Variants in DCDC2 observed in about 807,000 individuals in gnomAD.
DCDC2 encodes doublecortin domain-containing protein 2.
Under a neutral mutation model 50.2 loss-of-function variants are expected in DCDC2, and 40 were observed. That is an observed-to-expected ratio of 0.80 (90% CI 0.62 to 1.04). DCDC2 has a LOEUF of 1.04. Among genes scored for constraint, DCDC2 ranks in the 50% least tolerant of loss-of-function variants. DCDC2 has a pLI of 0.00. For missense variants in DCDC2, 570 were observed against 581.9 expected (o/e 0.98, Z 0.21); for synonymous variants, 234 against 210.6 (o/e 1.11, Z -0.96).
At chr6:24,190,458 A>G (rs1286518821) in intron 8 of DCDC2, among the ~76,000 whole-genome samples, 7 of 152,186 alleles carry the variant, frequency 4.6e-5, no homozygotes, top group African/African-American at 1.4e-4. Context: ...CAGCACACCA[A>G]CATGGCACAT....
At chr6:24,200,040 T>G (rs1261350597) in intron 8 of DCDC2, among the ~76,000 whole-genome samples, 1 of 151,540 alleles carries the variant, frequency 6.6e-6, no homozygotes, top group Admixed American at 6.6e-5. Context: ...CTGATTGGAG[T>G]CCCTAAAAGT....
chr6:24,260,355 C>T (rs1242911560), intron 7 of DCDC2, among the ~76,000 whole-genome samples: 1 of 152,176 alleles, frequency 6.6e-6, no homozygotes, highest in Non-Finnish European at 1.5e-5. Flanking sequence ...CAGACTAATT[C>T]GTATCTCCTT....
At chr6:24,310,006 G>T (rs1273045920) in intron 2 of DCDC2, among the ~76,000 whole-genome samples, 3 of 151,780 alleles carry the variant, frequency 2.0e-5, no homozygotes, top group African/African-American at 7.3e-5. Flanking sequence ...ACAAGATATG[G>T]GTAGGTTAAA....
At chr6:24,352,067 G>A (rs755630100) in intron 2 of DCDC2, among the ~76,000 whole-genome samples, 3 of 152,140 alleles carry the variant, frequency 2.0e-5, no homozygotes, top group African/African-American at 4.8e-5. Context: ...TCGAGCCACC[G>A]CACTCCAGCC....
intron 5 of DCDC2, among the ~76,000 whole-genome samples, chr6:24,289,696 G>A (rs149982136): frequency 1.3e-5 from 2 of 152,286 alleles, no homozygotes; most frequent in East Asian, 3.9e-4. Flanking sequence ...AGAAAACCAT[G>A]TGCTCTTGCA....
intron 8 of DCDC2, among the ~76,000 whole-genome samples, chr6:24,192,649 A>G (rs1359657742): frequency 6.6e-6 from 1 of 152,172 alleles, no homozygotes. Flanking sequence ...AAGAGCTCTT[A>G]GATGTTAAAA....
chr6:24,301,146 C>T (rs369044869), intron 4 of DCDC2, among the ~76,000 whole-genome samples: 2 of 151,442 alleles, frequency 1.3e-5, no homozygotes, highest in Non-Finnish European at 2.9e-5. Context: ...CCAAGGCGGG[C>T]GGATCACGAG....
chr6:24,270,698 C>T (rs1309790043), intron 7 of DCDC2, among the ~76,000 whole-genome samples: 1 of 152,188 alleles, frequency 6.6e-6, no homozygotes, highest in East Asian at 1.9e-4. Context: ...TCTTCCTCCT[C>T]CCTCCACCCT....
the DCDC2 span, among the ~76,000 whole-genome samples, chr6:24,375,698 C>A: frequency 1.3e-5 from 2 of 152,162 alleles, no homozygotes; most frequent in Non-Finnish European, 2.9e-5. Flanking sequence ...TAGCACTCAT[C>A]ACTCTACAAT....
intron 1 of DCDC2, among the ~76,000 whole-genome samples, chr6:24,353,999 CA>C (rs533107039): frequency 1.6e-4 from 24 of 152,138 alleles, no homozygotes; most frequent in African/African-American, 5.5e-4. Flanking sequence ...GGCTTTAGGT[CA>C]AAGGAAGTAC....
rs115014879 is a variant in DCDC2 at position 24,211,049 on chromosome 6, C to T, written c.923-5947G>A. 6.2e-3 allele frequency among the ~76,000 whole-genome samples: 941 copies of T among 152,314 alleles called. 4 individuals are homozygous for T. Among genetic ancestry groups the T allele is most frequent in the Non-Finnish European group, 8.1e-3 (549 of 68,022 alleles). ...CAATTCCAGTAGCCACTCATTCATT[C>T]ATAGTGCCCTGGTTTAATTCTCTGC... On this transcript the variant is annotated intron_variant, in intron 7 of 9. Transcript: ENST00000378454.
intron 7 of DCDC2, among the ~76,000 whole-genome samples, chr6:24,258,194 A>G (rs1013723840): frequency 2.0e-5 from 3 of 152,204 alleles, no homozygotes; most frequent in Non-Finnish European, 4.4e-5. Flanking sequence ...AGCAGCAGCA[A>G]GATTTATTGT....
At chr6:24,310,527 T>A (rs1294471384) in intron 2 of DCDC2, among the ~76,000 whole-genome samples, 1 of 152,136 alleles carries the variant, frequency 6.6e-6, no homozygotes, top group East Asian at 1.9e-4. Context: ...AAGAATTCCA[T>A]CTCTGCCTTC....
intron 2 of DCDC2, among the ~76,000 whole-genome samples, chr6:24,303,638 C>G (rs1759421185): frequency 6.6e-6 from 1 of 152,182 alleles, no homozygotes; most frequent in Non-Finnish European, 1.5e-5. Context: ...GAAAGGAAAA[C>G]TTACAAACAA....
intron 7 of DCDC2, among the ~76,000 whole-genome samples, chr6:24,232,016 C>G (rs915849091): frequency 3.2e-4 from 33 of 103,468 alleles, no homozygotes; most frequent in Non-Finnish European, 9.9e-5. Context: ...CACACACACA[C>G]ACACACACAC....
At chr6:24,255,566 A>G (rs968897882) in intron 7 of DCDC2, among the ~76,000 whole-genome samples, 1 of 152,206 alleles carries the variant, frequency 6.6e-6, no homozygotes, top group Non-Finnish European at 1.5e-5. Context: ...GGAATCACAA[A>G]TAAAGAACTC....
chr6:24,220,895 C>CGAGCGAGAGAGT (rs1762097683), intron 7 of DCDC2, among the ~76,000 whole-genome samples: 1 of 117,160 alleles, frequency 8.5e-6, no homozygotes, highest in African/African-American at 2.9e-5. Flanking sequence ...AGAGAGTGAG[C>CGAGCGAGAGAGT]GAGCGAGCGA....
At chr6:24,258,113 T>C (rs1762931634) in intron 7 of DCDC2, among the ~76,000 whole-genome samples, 1 of 152,144 alleles carries the variant, frequency 6.6e-6, no homozygotes, top group South Asian at 2.1e-4. Context: ...TCTCGCTGAC[T>C]TCAAAAATGA....
In DCDC2 at chr6:24,222,761, T is replaced by C. The variant is rs145877565; in HGVS notation, c.923-17659A>G. Among the ~76,000 whole-genome samples, 16 of 152,256 alleles carry C rather than the reference T, an allele frequency of 1.1e-4. No individual in the cohort carries two copies. The East Asian group carries it at 2.9e-3, about 28-fold the overall frequency. On this transcript the variant is annotated intron_variant, in intron 7 of 9. Coordinates refer to ENST00000378454, the MANE Select transcript of DCDC2 (RefSeq NM_016356.5). Reference sequence around the variant, plus strand: ...AAAAGTTGAGCTACAGATATAACAATAGCATATCCATAAGGCAATAGAATA... The same window carrying C: ...AAAAGTTGAGCTACAGATATAACAACAGCATATCCATAAGGCAATAGAATA...
Sources: allele counts gnomAD v4.1 joint callset (sites outside exome capture counted in the v4.1 genomes callset), GRCh38; gene constraint gnomAD v4.1.1; transcripts MANE v1.5; gene names NCBI Gene and HGNC (gene_info 2026-07-23, HGNC 2026-07-21).